APOBEC3B: variants seen among roughly 807,000 people sequenced by gnomAD.
APOBEC3B encodes apolipoprotein B mRNA editing enzyme catalytic subunit 3B.
Under a neutral mutation model 53.4 loss-of-function variants are expected in APOBEC3B, and 29 were observed. That is an observed-to-expected ratio of 0.54 (90% CI 0.40 to 0.74). The LOEUF is 0.74. APOBEC3B is among the 30% of genes least tolerant of loss of function. The pLI, the probability that APOBEC3B is intolerant of heterozygous loss-of-function variation, is 0.00. For missense variants in APOBEC3B, 347 were observed against 496.2 expected (o/e 0.70, Z 2.86); for synonymous variants, 132 against 184.8 (o/e 0.71, Z 2.32).
chr22:38,985,719 G>A (rs1923704843), intron 2 of APOBEC3B, 93 bp from the exon 3 acceptor site: 3 of 1,091,248 alleles, frequency 2.7e-6, no homozygotes, highest in Non-Finnish European at 3.9e-6. Context: ...GATCCCCTGG[G>A]CTCCTGTCCT....
In APOBEC3B at chr22:38,986,386, G is replaced by A. The variant is rs745424456; in HGVS notation, c.543G>A (p.Leu181=). 1.1e-5 allele frequency: 17 copies of A among 1,593,596 alleles called. 1 individual carries two copies. Among genetic ancestry groups the A allele is most frequent in the Non-Finnish European group, 1.4e-5 (16 of 1,172,550 alleles). Residue 181 remains leucine (L), a synonymous_variant, in exon 4 of 8, where the codon CTG becomes CTA. Coordinates refer to ENST00000333467, the MANE Select transcript of APOBEC3B (RefSeq NM_004900.5). ...WYKFDENYAF[L]HRTLKEILRY... is the part of the protein sequence containing the mutation. ...AATTCGATGAAAATTATGCATTCCTGCACCGCACGCTAAAGGAGATTCTCA... is the reference window on the plus strand; with the variant it reads ...AATTCGATGAAAATTATGCATTCCTACACCGCACGCTAAAGGAGATTCTCA...
intron 4 of APOBEC3B, among the ~76,000 whole-genome samples, chr22:38,986,673 C>T (rs760663803): frequency 6.7e-6 from 1 of 148,896 alleles, no homozygotes; most frequent in African/African-American, 2.4e-5. Context: ...GACAGGGTGG[C>T]CTGGGACACC....
Position 38,988,736 on chromosome 22 carries a change from T to G in APOBEC3B, c.570-721T>G, listed in dbSNP as rs151083559. Among the ~76,000 whole-genome samples, 118 of 132,224 alleles carry G rather than the reference T, an allele frequency of 8.9e-4. 7 individuals are homozygous for G. Among genetic ancestry groups the G allele is most frequent in the Middle Eastern group, 7.0e-3 (2 of 284 alleles). The allele number at this position is 132,224 out of a possible 152,430, so 86.7% of individuals were successfully genotyped here. On this transcript the variant is annotated intron_variant, in intron 4 of 7. Coordinates refer to ENST00000333467, the MANE Select transcript of APOBEC3B (RefSeq NM_004900.5). ...TTCTTTCTTTCTTTCTTTCTTTCTT[T>G]CTTTCTTTCTTCCTTTCTTCTCTCT... is the stretch of plus-strand genomic sequence containing the variant.
chr22:38,982,405 G>A lies in APOBEC3B; in HGVS notation c.-49G>A, dbSNP rs1361844291. On this transcript the variant is annotated 5_prime_UTR_variant, in exon 1 of 8. Transcript: ENST00000333467. ...TGTAAGCAGGAAGTGAAACCACAGA[G>A]CTTCAAAAAAAGAGCGGGACAGGGA... The A allele has an allele frequency of 1.3e-6, 2 of 1,591,420 alleles. No individual in the cohort carries two copies. The highest frequency in any genetic ancestry group is 1.7e-6 in the Non-Finnish European group (2 of 1,170,956).
chr22:38,987,445 C>T (rs1028503196), intron 4 of APOBEC3B, among the ~76,000 whole-genome samples: 2 of 148,646 alleles, frequency 1.3e-5, no homozygotes, highest in African/African-American at 2.4e-5. Context: ...CACCGCTGGG[C>T]TGGTGCTCCC....
chr22:38,991,794 C>A (rs532334934), intron 6 of APOBEC3B, among the ~76,000 whole-genome samples, 168 bp downstream of exon 6: 1 of 147,892 alleles, frequency 6.8e-6, no homozygotes, highest in South Asian at 2.2e-4. Flanking sequence ...GATATGGGCC[C>A]GGGGAGGGTG....
chr22:38,987,477 G>GGGAGGGTGCTCCCTC (rs1923789202), intron 4 of APOBEC3B, among the ~76,000 whole-genome samples: 1 of 148,774 alleles, frequency 6.7e-6, no homozygotes, highest in Non-Finnish European at 1.5e-5. Context: ...GGTGCTCCCT[G>GGGAGGGTGCTCCCTC]TATATGCTTC....
At chr22:38,991,979 G>GT in intron 6 of APOBEC3B, 55 bp from the exon 7 acceptor site, 1 of 1,505,110 alleles carries the variant, frequency 6.6e-7, no homozygotes, top group Non-Finnish European at 8.9e-7. Flanking sequence ...TGGGCCCTTG[G>GT]TGCTGCCCCC....
At chr22:38,986,883 G>A (rs1262824220) in intron 4 of APOBEC3B, among the ~76,000 whole-genome samples, 1 of 148,418 alleles carries the variant, frequency 6.7e-6, no homozygotes, top group Non-Finnish European at 1.5e-5. Context: ...ATGGGGGAAG[G>A]CAGACACCTG....
intron 4 of APOBEC3B, among the ~76,000 whole-genome samples, chr22:38,988,729 C>CTTTCTTTCTT (rs1923862885): frequency 7.5e-6 from 1 of 134,208 alleles, no homozygotes; most frequent in Non-Finnish European, 1.6e-5. Context: ...TTCTTTCTTT[C>CTTTCTTTCTT]TTTCTTTCTT....
intron 1 of APOBEC3B, among the ~76,000 whole-genome samples, 172 bp downstream of exon 1, chr22:38,982,642 C>A (rs973652995): frequency 6.8e-6 from 1 of 146,352 alleles, no homozygotes; most frequent in African/African-American, 2.5e-5. Context: ...TGTGTGGTCA[C>A]CCCACTGCTG....
rs1923739247 is a variant in APOBEC3B at position 38,986,336 on chromosome 22, G to A, written c.493G>A (p.Gly165Ser). ...CTGGGAAAACTTTGTGTACAATGAAGGTCAGCAATTCATGCCTTGGTACAA... is the reference window on the plus strand; with the variant it reads ...CTGGGAAAACTTTGTGTACAATGAAAGTCAGCAATTCATGCCTTGGTACAA... ...YCWENFVYNE[G>S]QQFMPWYKFD... Residue 165 changes from glycine to serine, a missense_variant, in exon 4 of 8, where the codon GGT becomes AGT. By Grantham distance (56) the Gly-to-Ser change is moderately conservative. Transcript: ENST00000333467. 3.1e-6 allele frequency: 5 copies of A among 1,593,760 alleles called. 1 individual carries two copies. The East Asian group carries it at 1.2e-4, about 40-fold the overall frequency.
chr22:38,986,166 G>A lies in APOBEC3B; in HGVS notation c.454+75G>A, dbSNP rs1377559430. The A allele has an allele frequency of 2.5e-5, 40 of 1,574,022 alleles. 5 individuals carry two copies. The highest frequency in any genetic ancestry group is 3.4e-5 in the Non-Finnish European group (40 of 1,162,540). On this transcript the variant is annotated intron_variant, in intron 3 of 7. Transcript: ENST00000333467. The stretch of plus-strand genomic sequence containing the variant: ...AGATGGATGGATCTGCAATGCCATG[G>A]CTGGGGGTGTCCCAGGGCAGCCTGC...
chr22:38,982,590 G>T, intron 1 of APOBEC3B, 120 bp downstream of exon 1: 1 of 1,233,610 alleles, frequency 8.1e-7, no homozygotes. Flanking sequence ...CTCCCCTCTG[G>T]CTCCCCTGCC....
chr22:38,987,967 G>A (rs1380803549), intron 4 of APOBEC3B, among the ~76,000 whole-genome samples: 5 of 148,286 alleles, frequency 3.4e-5, no homozygotes, highest in South Asian at 2.2e-4. Flanking sequence ...GCATGGTAGC[G>A]GGAGCCGGTA....
At chr22:38,988,744 T>TCTTTCTTTCTTTCTTTCTTTCTTTCTTC (rs1569039192) in intron 4 of APOBEC3B, among the ~76,000 whole-genome samples, 2 of 116,214 alleles carry the variant, frequency 1.7e-5, no homozygotes, top group Non-Finnish European at 3.4e-5. Flanking sequence ...TTTCTTTCTT[T>TCTTTCTTTCTTTCTTTCTTTCTTTCTTC]CTTCCTTTCT....
chr22:38,988,214 G>C (rs1015227521), intron 4 of APOBEC3B, among the ~76,000 whole-genome samples: 3 of 148,446 alleles, frequency 2.0e-5, no homozygotes, highest in African/African-American at 7.3e-5. Flanking sequence ...CTGGCCTCTT[G>C]CTCTAGGTTC....
intron 4 of APOBEC3B, among the ~76,000 whole-genome samples, chr22:38,986,970 G>C (rs963310094): frequency 1.3e-5 from 2 of 148,566 alleles, no homozygotes; most frequent in African/African-American, 4.9e-5. Flanking sequence ...ATTCCTGAGG[G>C]CAGGATCCAG....
Position 38,982,386 on chromosome 22 carries a change from C to T in APOBEC3B, c.-68C>T. 2 of 1,580,142 alleles carry T rather than the reference C, an allele frequency of 1.3e-6. No homozygotes were observed. Among genetic ancestry groups the T allele is most frequent in the Non-Finnish European group, 1.7e-6 (2 of 1,161,528 alleles). On this transcript the variant is annotated 5_prime_UTR_variant, in exon 1 of 8. Transcript: ENST00000333467. ...TGTCCAACTGCAAGGACGCTGTAAGCAGGAAGTGAAACCACAGAGCTTCAA... is the reference window on the plus strand; with the variant it reads ...TGTCCAACTGCAAGGACGCTGTAAGTAGGAAGTGAAACCACAGAGCTTCAA...
Sources: allele counts gnomAD v4.1 joint callset (sites outside exome capture counted in the v4.1 genomes callset), GRCh38; gene constraint gnomAD v4.1.1; transcripts MANE v1.5; gene names NCBI Gene and HGNC (gene_info 2026-07-23, HGNC 2026-07-21).